SNAPC3: variants seen among roughly 807,000 people sequenced by gnomAD.
SNAPC3 encodes small nuclear RNA activating complex polypeptide 3, also known as snRNA-activating protein complex subunit 3.
Under a neutral mutation model 47.7 loss-of-function variants are expected in SNAPC3, and 56 were observed. The observed-to-expected ratio is 1.18, with a 90% CI of 0.95 to 1.47. The LOEUF is 1.47. Among genes scored for constraint, SNAPC3 ranks in the 40% most tolerant of loss-of-function variants. The pLI is 0.00. For missense variants in SNAPC3, 665 were observed against 511.3 expected, an observed-to-expected ratio of 1.30 and a Z score of -2.90; for synonymous variants, 235 against 189.9, an observed-to-expected ratio of 1.24 and a Z score of -1.95.
At chr9:15,431,875 A>T (rs1220262923) in intron 2 of SNAPC3, 2 of 149,516 alleles carry the variant, frequency 1.3e-5, no homozygotes. Context: ...AGTCTGTATT[A>T]AAGCCTGTCT....
chr9:15,462,074 TTTATC>T (rs1163994294), downstream of SNAPC3: 1 of 152,180 alleles, frequency 6.6e-6, no homozygotes, highest in Non-Finnish European at 1.5e-5. Flanking sequence ...GCAAGGATAT[TTTATC>T]TTATTCATTC....
chr9:15,436,613 T>G (rs1216657360), intron 3 of SNAPC3, among the ~76,000 whole-genome samples: 1 of 152,188 alleles, frequency 6.6e-6, no homozygotes, highest in Non-Finnish European at 1.5e-5. Context: ...CAAGATTGTT[T>G]TGACTATTCA....
At chr9:15,455,626 G>T (rs1007908829) in intron 7 of SNAPC3, among the ~76,000 whole-genome samples, 1 of 151,758 alleles carries the variant, frequency 6.6e-6, no homozygotes, top group African/African-American at 2.4e-5. Flanking sequence ...GTGGGAAAAT[G>T]TGCTGGCCTT....
At chr9:15,430,952 A>G (rs1030196642) in intron 2 of SNAPC3, among the ~76,000 whole-genome samples, 2 of 152,184 alleles carry the variant, frequency 1.3e-5, no homozygotes, top group African/African-American at 4.8e-5. Flanking sequence ...CCTGCTCTGT[A>G]AAAATGGACC....
Position 15,422,954 on chromosome 9 carries a change from C to G in SNAPC3, c.75C>G (p.Gly25=). 6.5e-7 allele frequency: 1 copy of G among 1,535,608 alleles called. No homozygotes were observed. Among genetic ancestry groups the G allele is most frequent in the South Asian group, 1.2e-5 (1 of 82,090 alleles). Residue 25 remains glycine, a synonymous_variant, in exon 1 of 9, where the codon GGC becomes GGG. Transcript: ENST00000380821. ...GGCAGGACCCAGTCTCCGGCAGTGG[C>G]GGCTGCAACTTTCCAGAGTATGAGC... ...GGRQDPVSGS[G]GCNFPEYELP... is the part of the protein sequence containing the mutation.
chr9:15,437,319 G>A (rs1587246317), intron 3 of SNAPC3, among the ~76,000 whole-genome samples: 1 of 151,348 alleles, frequency 6.6e-6, no homozygotes, highest in South Asian at 2.1e-4. Context: ...TGCAACTTCC[G>A]CCTCCCGGGT....
In SNAPC3 at chr9:15,422,894, C is replaced by G. The variant is rs1026146892; in HGVS notation, c.15C>G (p.Ser5Arg). The G allele has an allele frequency of 1.3e-6, 2 of 1,534,012 alleles. No individual in the cohort carries two copies. Among genetic ancestry groups the G allele is most frequent in the African/African-American group, 1.4e-5 (1 of 71,114 alleles). Residue 5 changes from serine (S) to arginine (R), a missense_variant, in exon 1 of 9, where the codon AGC becomes AGG. By Grantham distance (110) the Ser-to-Arg change is moderately radical. Transcript: ENST00000380821. MAEG[S>R]RGGPTCSGVG... The stretch of plus-strand genomic sequence containing the variant: ...GTGGGGCGAACATGGCTGAAGGAAG[C>G]CGAGGTGGCCCTACGTGTAGCGGGG...
At chr9:15,458,265 A>C (rs1363976494) in intron 8 of SNAPC3, among the ~76,000 whole-genome samples, 198 bp downstream of exon 8, 7 of 152,190 alleles carry the variant, frequency 4.6e-5, no homozygotes, top group Non-Finnish European at 1.0e-4. Flanking sequence ...TTATATGTAC[A>C]CAAGTCCAGG....
rs1470614198 is a variant in SNAPC3, at chr9:15,439,578, AG to A, written c.478-5022del. On this transcript the variant is annotated intron_variant, in intron 3 of 8. Transcript: ENST00000380821. ...GAGACAGAGTCTCACTCTGTCACCC[AG>A]GCTGGAGTGCAGTGGCCCGATCTCG... Among the ~76,000 whole-genome samples the A allele has an allele frequency of 3.9e-5, 6 of 152,118 alleles. No individual in the cohort carries two copies. The East Asian group carries it at 7.7e-4, about 20-fold the overall frequency.
chr9:15,452,760 G>A (rs958791801), intron 6 of SNAPC3, among the ~76,000 whole-genome samples: 2 of 152,156 alleles, frequency 1.3e-5, no homozygotes, highest in Non-Finnish European at 2.9e-5. Flanking sequence ...AACATTTTGT[G>A]AAAAATATTT....
intron 3 of SNAPC3, among the ~76,000 whole-genome samples, chr9:15,436,123 C>T (rs1258458901): frequency 6.6e-6 from 1 of 152,136 alleles, no homozygotes; most frequent in Non-Finnish European, 1.5e-5. Flanking sequence ...GGATTACAGG[C>T]GTGGGCAACC....
intron 3 of SNAPC3, among the ~76,000 whole-genome samples, chr9:15,442,275 G>A (rs1176462308): frequency 1.3e-5 from 2 of 150,122 alleles, no homozygotes; most frequent in Non-Finnish European, 3.0e-5. Flanking sequence ...CCTGGATGGG[G>A]CGGCTGGCCG....
chr9:15,452,601 A>AGT (rs2034474603), intron 6 of SNAPC3, among the ~76,000 whole-genome samples: 1 of 152,166 alleles, frequency 6.6e-6, no homozygotes, highest in South Asian at 2.1e-4. Context: ...TACAGGTGTG[A>AGT]GCCACCATGC....
intron 5 of SNAPC3, among the ~76,000 whole-genome samples, chr9:15,450,482 T>C (rs2034306389): frequency 1.3e-5 from 2 of 152,206 alleles, no homozygotes; most frequent in South Asian, 4.1e-4. Flanking sequence ...GCAGATATTA[T>C]TATTCTCATT....
chr9:15,464,112 T>C (rs1295481484), downstream of SNAPC3: 2 of 180,806 alleles, frequency 1.1e-5, no homozygotes, highest in East Asian at 9.1e-5. Context: ...ACGTTGAACT[T>C]ATGGCTTAAC....
chr9:15,425,949 C>T (rs897570484), intron 2 of SNAPC3, among the ~76,000 whole-genome samples: 1 of 152,162 alleles, frequency 6.6e-6, no homozygotes, highest in Non-Finnish European at 1.5e-5. Context: ...GCAACCTCCG[C>T]CTCCTAGGTT....
intron 5 of SNAPC3, 114 bp downstream of exon 5, chr9:15,447,358 C>A: frequency 2.6e-6 from 2 of 770,616 alleles, no homozygotes; most frequent in Non-Finnish European, 4.0e-6. Context: ...TGCGGGATTC[C>A]ATCAAACTAC....
At chr9:15,444,732 T>C in intron 4 of SNAPC3, 26 bp downstream of exon 4, 1 of 1,191,164 alleles carries the variant, frequency 8.4e-7, no homozygotes, top group Non-Finnish European at 1.2e-6. Context: ...TTTTGGATTT[T>C]ATGGATAATA....
At chr9:15,450,441 G>C (rs2034302271) in intron 5 of SNAPC3, among the ~76,000 whole-genome samples, 1 of 152,178 alleles carries the variant, frequency 6.6e-6, no homozygotes, top group Admixed American at 6.5e-5. Context: ...AATTGCTTTT[G>C]ATCTTCACCA....
Sources: allele counts gnomAD v4.1 joint callset (sites outside exome capture counted in the v4.1 genomes callset), GRCh38; gene constraint gnomAD v4.1.1; transcripts MANE v1.5; gene names NCBI Gene and HGNC (gene_info 2026-07-23, HGNC 2026-07-21).